The following PLA2G4A variants were observed in gnomAD, a reference collection of about 807,000 sequenced individuals.
PLA2G4A encodes the protein cytosolic phospholipase A2.
In PLA2G4A, 40 loss-of-function variants were observed where a neutral mutation model predicts 81.9. The ratio of observed to expected loss-of-function variants is 0.49; its 90% CI spans 0.38 to 0.64. PLA2G4A has a LOEUF of 0.64. Among genes scored for constraint, PLA2G4A ranks in the 30% least tolerant of loss-of-function variants. The pLI is 0.00. For synonymous variants in PLA2G4A, 302 were observed against 296.9 expected (o/e 1.02, Z -0.18); for missense variants, 715 against 905.1 (o/e 0.79, Z 2.69).
intron 7 of PLA2G4A, among the ~76,000 whole-genome samples, chr1:186,921,875 GCCAATAATTTACATATGGGAA>G (rs1447118763): frequency 6.6e-5 from 10 of 152,080 alleles, no homozygotes; most frequent in Admixed American, 6.5e-4. Flanking sequence ...ACTAGCTGTA[GCCAATAATTTACATATGGGAA>G]CTCATCTGGG....
chr1:186,834,541 A>T (rs1277209881), intron 1 of PLA2G4A, among the ~76,000 whole-genome samples: 1 of 152,156 alleles, frequency 6.6e-6, no homozygotes, highest in African/African-American at 2.4e-5. Flanking sequence ...AAGGCCCAGG[A>T]AGTCCACTCT....
intron 1 of PLA2G4A, among the ~76,000 whole-genome samples, chr1:186,836,938 T>A (rs779726214): frequency 6.6e-6 from 1 of 152,188 alleles, no homozygotes; most frequent in Non-Finnish European, 1.5e-5. Flanking sequence ...GAAGCACAGA[T>A]GTGACGGATA....
At chr1:186,954,276 T>A (rs2102251520) in intron 13 of PLA2G4A, among the ~76,000 whole-genome samples, 1 of 152,334 alleles carries the variant, frequency 6.6e-6, no homozygotes, top group East Asian at 1.9e-4. Flanking sequence ...AAGGATGGGT[T>A]CATGTCCTTT....
At position 186,956,229 on chromosome 1, in the gene PLA2G4A, G is replaced by T. The variant is rs781508988; in HGVS notation, c.1464G>T (p.Lys488Asn). 2.5e-6 allele frequency: 4 copies of T among 1,613,956 alleles called. No individual in the cohort carries two copies. Among genetic ancestry groups the T allele is most frequent in the Non-Finnish European group, 3.4e-6 (4 of 1,179,908 alleles). The change falls in exon 14 of 18, where the codon AAG (lysine) becomes AAT (asparagine). Residue 488 changes from lysine (K) to asparagine (N), a missense_variant. Lys to Asn is a moderately conservative substitution (Grantham distance 94, BLOSUM62 0). Coordinates refer to ENST00000367466, the MANE Select transcript of PLA2G4A (RefSeq NM_024420.3). ...LFNTREGRAGKVHNFMLGLNL... is the reference protein window; with the variant it reads ...LFNTREGRAGNVHNFMLGLNL... ...ATACCAGAGAAGGACGTGCTGGGAAGGTACACAACTTCATGCTGGGCTTGA... is the reference window on the plus strand; with the variant it reads ...ATACCAGAGAAGGACGTGCTGGGAATGTACACAACTTCATGCTGGGCTTGA...
rs145741323 is a variant in PLA2G4A, at chr1:186,956,608, G to C, written c.1579+264G>C. On this transcript the variant is annotated intron_variant, in intron 14 of 17. Coordinates refer to ENST00000367466, the MANE Select transcript of PLA2G4A (RefSeq NM_024420.3). The stretch of plus-strand genomic sequence containing the variant: ...TGGCTCACCGCATCCTTAATTCCTG[G>C]GCTGCAGCAATCCTCCTGCCTCAGC... Among the ~76,000 whole-genome samples, 80 of 152,118 alleles carry C rather than the reference G, an allele frequency of 5.3e-4. 1 individual carries two copies. The highest frequency in any genetic ancestry group is 1.8e-3 in the African/African-American group (75 of 41,504).
At chr1:186,832,646 GTT>G (rs1651635229) in intron 1 of PLA2G4A, among the ~76,000 whole-genome samples, 1 of 152,124 alleles carries the variant, frequency 6.6e-6, no homozygotes, top group South Asian at 2.1e-4. Context: ...GTTGAACAAA[GTT>G]GAGCAATTTT....
intron 9 of PLA2G4A, 41 bp downstream of exon 9, chr1:186,939,271 G>A (rs1386052463): frequency 1.2e-6 from 1 of 861,842 alleles, no homozygotes; most frequent in Non-Finnish European, 2.0e-6. Context: ...ATAACAAGTA[G>A]ACAGAACATA....
Position 186,911,351 on chromosome 1 carries a change from G to A in PLA2G4A, c.520G>A (p.Gly174Ser). ...HIRESMKKLL[G>S]PKNSEGLHSA... is the part of the protein sequence containing the mutation. ...AAGGGAGAGCATGAAGAAACTCTTGGGTCCAAAGAATAGTGAAGGATTGCA... is the reference window on the plus strand; with the variant it reads ...AAGGGAGAGCATGAAGAAACTCTTGAGTCCAAAGAATAGTGAAGGATTGCA... The change falls in exon 7 of 18, where the codon GGT becomes AGT. Residue 174 changes from glycine (G) to serine (S), a missense_variant. Physicochemically the swap from Gly to Ser is moderately conservative, Grantham distance 56 (BLOSUM62 0). Coordinates refer to ENST00000367466, the MANE Select transcript of PLA2G4A (RefSeq NM_024420.3). The A allele has an allele frequency of 6.2e-7, 1 of 1,611,776 alleles. No individual in the cohort carries two copies. The highest frequency in any genetic ancestry group is 1.1e-5 in the South Asian group (1 of 91,050).
intron 13 of PLA2G4A, among the ~76,000 whole-genome samples, chr1:186,954,662 A>G (rs1457936170): frequency 8.1e-5 from 1 of 12,344 alleles, no homozygotes; most frequent in African/African-American, 1.1e-3. Context: ...TGACTATAGA[A>G]TCTCTTTTTT....
At chr1:186,868,209 G>A (rs1271295362) in intron 2 of PLA2G4A, among the ~76,000 whole-genome samples, 1 of 151,406 alleles carries the variant, frequency 6.6e-6, no homozygotes, top group African/African-American at 2.4e-5. Flanking sequence ...CAAGTAGCTG[G>A]GATTACAGGC....
At position 186,939,508 on chromosome 1, in the gene PLA2G4A, A is replaced by C. The variant is rs912261905; in HGVS notation, c.918+278A>C. Reference sequence around the variant, plus strand: ...TTTTCTCTGGAAAAAAAAAAAAAAAAAAAAATTCACATTTTAACCCTTAAC... The same window carrying C: ...TTTTCTCTGGAAAAAAAAAAAAAAACAAAAATTCACATTTTAACCCTTAAC... On this transcript the variant is annotated intron_variant, in intron 9 of 17. Transcript: ENST00000367466. 1.2e-3 allele frequency among the ~76,000 whole-genome samples: 158 copies of C among 137,226 alleles called. 1 individual carries two copies. The highest frequency in any genetic ancestry group is 4.3e-3 in the African/African-American group (145 of 33,724). 90.0% of individuals were successfully genotyped at this position (137,226 alleles called of 152,430 possible).
chr1:186,929,752 T>C (rs1489480262), intron 7 of PLA2G4A, among the ~76,000 whole-genome samples: 1 of 152,164 alleles, frequency 6.6e-6, no homozygotes, highest in Non-Finnish European at 1.5e-5. Flanking sequence ...TATGTTTAAA[T>C]TGCTTTATTT....
At chr1:186,943,623 T>A (rs1246372884) in intron 10 of PLA2G4A, among the ~76,000 whole-genome samples, 1 of 152,116 alleles carries the variant, frequency 6.6e-6, no homozygotes, top group African/African-American at 2.4e-5. Context: ...AAGTCGAATG[T>A]AGAAGGATCT....
At chr1:186,830,475 G>A (rs1651506455) in intron 1 of PLA2G4A, among the ~76,000 whole-genome samples, 1 of 151,778 alleles carries the variant, frequency 6.6e-6, no homozygotes, top group Admixed American at 6.6e-5. Context: ...GGACGTGGTG[G>A]CAGGTGCCTG....
rs528562431 is a variant in PLA2G4A, at chr1:186,894,118, T to G, written c.285T>G (p.Asn95Lys). 1 of 1,417,134 alleles carries G rather than the reference T, an allele frequency of 7.1e-7. No homozygotes were observed. Among genetic ancestry groups the G allele is most frequent in the Non-Finnish European group, 1.0e-6 (1 of 1,000,140 alleles). 87.8% of individuals were successfully genotyped at this position (1,417,134 alleles called of 1,614,324 possible). A position where few individuals can be genotyped will look rare whatever the true frequency, so the allele number is the denominator to read the frequency against. Residue 95 changes from asparagine to lysine, a missense_variant, in exon 5 of 18, where the codon AAT becomes AAG. Asn to Lys is a moderately conservative substitution (Grantham distance 94). Coordinates refer to ENST00000367466, the MANE Select transcript of PLA2G4A (RefSeq NM_024420.3). ...TGTAGATTACGTTAATGGATGCCAA[T>G]TATGTCATGGATGAAACTCTAGGGA... is the stretch of plus-strand genomic sequence containing the variant. ...NVLEITLMDANYVMDETLGTA... is the reference protein window; with the variant it reads ...NVLEITLMDAKYVMDETLGTA...
intron 5 of PLA2G4A, among the ~76,000 whole-genome samples, chr1:186,901,149 T>C (rs1654524480): frequency 6.6e-6 from 1 of 152,224 alleles, no homozygotes; most frequent in South Asian, 2.1e-4. Flanking sequence ...GAGAACGATG[T>C]AATTTTGTGA....
chr1:186,854,723 T>C (rs1476536299), intron 2 of PLA2G4A, among the ~76,000 whole-genome samples: 1 of 151,932 alleles, frequency 6.6e-6, no homozygotes, highest in East Asian at 1.9e-4. Context: ...GAAAGAAGAA[T>C]AAAAGTAAAA....
At chr1:186,841,331 C>G (rs1651971683) in intron 1 of PLA2G4A, among the ~76,000 whole-genome samples, 1 of 152,160 alleles carries the variant, frequency 6.6e-6, no homozygotes, top group East Asian at 1.9e-4. Context: ...CTCTGTCCTT[C>G]CAAACAGTAA....
intron 12 of PLA2G4A, among the ~76,000 whole-genome samples, chr1:186,950,157 A>G (rs1656505246): frequency 6.6e-6 from 1 of 152,212 alleles, no homozygotes; most frequent in Non-Finnish European, 1.5e-5. Flanking sequence ...CAAATTCTTG[A>G]CACCAAAAGG....
Sources: gnomAD v4.1 joint callset for allele counts (sites outside exome capture counted in the v4.1 genomes callset) on GRCh38, gnomAD v4.1.1 for gene constraint, MANE v1.5 for transcripts, NCBI Gene and HGNC (gene_info 2026-07-23, HGNC 2026-07-21) for gene names.